The following AGPAT3 variants were observed in gnomAD, a reference collection of about 807,000 sequenced individuals.
AGPAT3 encodes 1-acyl-sn-glycerol-3-phosphate acyltransferase gamma.
Under a neutral mutation model 47.3 loss-of-function variants are expected in AGPAT3, and 5 were observed. The ratio of observed to expected loss-of-function variants is 0.11; its 90% confidence interval spans 0.06 to 0.22. The LOEUF is 0.22. AGPAT3 is among the 10% of genes least tolerant of loss of function. AGPAT3 has a pLI of 1.00. For synonymous variants in AGPAT3, 212 were observed against 208.3 expected (o/e 1.02, Z -0.15); for missense variants, 315 against 493.0 (o/e 0.64, Z 3.42).
rs1418080734 is a variant in AGPAT3, at chr21:43,922,881, G to A, written c.-49+18862G>A. Among the ~76,000 whole-genome samples, 3 of 152,212 alleles carry A rather than the reference G, an allele frequency of 2.0e-5. No individual in the cohort carries two copies. The highest frequency in any genetic ancestry group is 2.9e-5 in the Non-Finnish European group (2 of 68,030). ...ATGTGACTGGCTGCCCAGTGGTGGT[G>A]GCAGAGCCAGCCTGGGGTCTGGGCA... On this transcript the variant is annotated intron_variant, in intron 2 of 9. Transcript: ENST00000291572. This position sits in a 1 kb window ranked among gnomAD's most constrained non-coding sequence, Gnocchi z 4.9.
Position 43,882,359 on chromosome 21 carries a change from G to A in AGPAT3, c.-112+17014G>A, listed in dbSNP as rs144654455. The stretch of plus-strand genomic sequence containing the variant: ...TGCACTCAGGATTTCAGATTGACAC[G>A]TATTTCCATCTGGAAACTCTTGCAC... On this transcript the variant is annotated intron_variant, in intron 1 of 9. Transcript: ENST00000291572. Among the ~76,000 whole-genome samples the A allele has an allele frequency of 5.4e-4, 82 of 152,380 alleles. 1 individual carries two copies. The Middle Eastern group carries it at 0.024, about 44-fold the overall frequency.
intron 8 of AGPAT3, among the ~76,000 whole-genome samples, chr21:43,979,325 A>G (rs1462744984): frequency 2.1e-5 from 3 of 143,958 alleles, no homozygotes; most frequent in Non-Finnish European, 3.0e-5. Flanking sequence ...AAGAAAGAAA[A>G]AAAAAGAAAG....
intron 2 of AGPAT3, among the ~76,000 whole-genome samples, chr21:43,906,106 G>A (rs748110992): frequency 2.6e-5 from 4 of 152,200 alleles, no homozygotes; most frequent in Non-Finnish European, 5.9e-5. Context: ...AATAACTGAG[G>A]TCTAGGAAAA....
At position 43,930,430 on chromosome 21, in the gene AGPAT3, AC is replaced by A. The variant is rs2087203265; in HGVS notation, c.-49+26413del. Among the ~76,000 whole-genome samples, 1 of 152,030 alleles carries A rather than the reference AC, an allele frequency of 6.6e-6. No homozygotes were observed. Among genetic ancestry groups the A allele is most frequent in the Non-Finnish European group, 1.5e-5 (1 of 67,982 alleles). ...TGTAAAGCACCTGCCACTGAGTGTG[AC>A]CTCAGGGTTGCCCGTGCGACCTCAG... On this transcript the variant is annotated intron_variant, in intron 2 of 9. Coordinates refer to ENST00000291572, the MANE Select transcript of AGPAT3 (RefSeq NM_020132.5). This position sits in a 1 kb window ranked among gnomAD's most constrained non-coding sequence, Gnocchi z 5.0.
intron 6 of AGPAT3, 86 bp from the exon 7 acceptor site, chr21:43,971,302 G>A: frequency 6.6e-6 from 8 of 1,205,990 alleles, no homozygotes; most frequent in Non-Finnish European, 9.8e-6. Flanking sequence ...ACGGGGCCGG[G>A]TCCCAGGTGG....
intron 1 of AGPAT3, among the ~76,000 whole-genome samples, chr21:43,887,230 A>G (rs2085999129): frequency 6.6e-6 from 1 of 152,214 alleles, no homozygotes; most frequent in African/African-American, 2.4e-5. Flanking sequence ...GTTGAGCTGC[A>G]ATGGCCCCAA....
rs1347184220 is a variant in AGPAT3, at chr21:43,968,132, G to A, written c.348+17G>A. On this transcript the variant is annotated intron_variant, in intron 4 of 9. Transcript: ENST00000291572. The stretch of plus-strand genomic sequence containing the variant: ...GTGCTGGGGGTGAGCGGGGACCTGG[G>A]GAGGGCCACGGGTGAGCAGGAGGGT... 1 of 1,610,870 alleles carries A rather than the reference G, an allele frequency of 6.2e-7. No homozygotes were observed. Among genetic ancestry groups the A allele is most frequent in the Non-Finnish European group, 8.5e-7 (1 of 1,178,878 alleles).
rs762331844 is a variant in AGPAT3 at position 43,978,135 on chromosome 21, G to A, written c.843+14G>A. ...TACCAGGAGAAGGTAAGCAGGCTCT[G>A]CTCCCGCTCAGGGTCCCGGTCTCCT... On this transcript the variant is annotated intron_variant, in intron 8 of 9. Coordinates refer to ENST00000291572, the MANE Select transcript of AGPAT3 (RefSeq NM_020132.5). 1 of 1,611,214 alleles carries A rather than the reference G, an allele frequency of 6.2e-7. No individual in the cohort carries two copies. Among genetic ancestry groups the A allele is most frequent in the South Asian group, 1.1e-5 (1 of 90,716 alleles).
chr21:43,959,551 G>T (rs1024634535), intron 2 of AGPAT3, 83 bp from the exon 3 acceptor site: 5 of 1,256,500 alleles, frequency 4.0e-6, no homozygotes, highest in Non-Finnish European at 4.6e-6. Context: ...CATGTGCGGG[G>T]TGTGCAGTGA....
intron 1 of AGPAT3, among the ~76,000 whole-genome samples, chr21:43,886,048 G>T (rs1279674783): frequency 6.6e-6 from 1 of 152,234 alleles, no homozygotes; most frequent in Non-Finnish European, 1.5e-5. Context: ...GCCATAGGAA[G>T]CCGAAGCCTG....
intron 1 of AGPAT3, among the ~76,000 whole-genome samples, chr21:43,872,118 A>G (rs2085636178): frequency 6.7e-6 from 1 of 149,752 alleles, no homozygotes; most frequent in Non-Finnish European, 1.5e-5. Context: ...TCCACCTGAC[A>G]CTCTGTGCTT....
At chr21:43,929,073 C>G (rs4819348) in intron 2 of AGPAT3, among the ~76,000 whole-genome samples, 114,401 of 152,200 alleles carry the variant, frequency 0.75, 43,155 homozygotes, top group Admixed American at 0.83. Flanking sequence ...CGTTATTTCA[C>G]TGTGAGGTGC....
chr21:43,943,000 A>G (rs1241836477), intron 2 of AGPAT3, among the ~76,000 whole-genome samples: 1 of 152,190 alleles, frequency 6.6e-6, no homozygotes, highest in Non-Finnish European at 1.5e-5. Flanking sequence ...TCCACAGCAG[A>G]GGGAGGGAGG....
chr21:43,925,147 CT>C (rs201006481), intron 2 of AGPAT3: 2,251 of 152,534 alleles, frequency 0.015, 51 homozygotes, highest in African/African-American at 0.05. Context: ...ACTCTCTCCC[CT>C]CGCTGGCGCT....
chr21:43,966,652 A>AGCTGC (rs758185343), intron 3 of AGPAT3: 1 of 152,090 alleles, frequency 6.6e-6, no homozygotes, highest in Non-Finnish European at 1.5e-5. Context: ...TCCTGGGCTG[A>AGCTGC]GCTGCGTGAT....
intron 2 of AGPAT3, chr21:43,948,025 C>T (rs1347864686): frequency 2.0e-5 from 3 of 152,240 alleles, no homozygotes; most frequent in African/African-American, 7.2e-5. Flanking sequence ...GATCAAGCAT[C>T]TGTATTCTAT....
rs893257360 is a variant in AGPAT3 at position 43,933,875 on chromosome 21, G to A, written c.-48-25759G>A. ...GGAGAGTGGACAGTGGCATGGAAAC[G>A]CCAGAGGGTTAGAACTGAGCAGCAG... On this transcript the variant is annotated intron_variant, in intron 2 of 9. Transcript: ENST00000291572. This position sits in a 1 kb window ranked among gnomAD's most constrained non-coding sequence, Gnocchi z 6.0. Among the ~76,000 whole-genome samples, 1 of 152,300 alleles carries A rather than the reference G, an allele frequency of 6.6e-6. No homozygotes were observed. Among genetic ancestry groups the A allele is most frequent in the East Asian group, 1.9e-4 (1 of 5,182 alleles).
chr21:43,919,559 G>T (rs1460060357), intron 2 of AGPAT3, among the ~76,000 whole-genome samples: 3 of 152,164 alleles, frequency 2.0e-5, no homozygotes, highest in South Asian at 4.1e-4. Context: ...GATGCTTTAG[G>T]TTGGTTCTGT....
In AGPAT3 at chr21:43,908,446, G is replaced by C. The variant is rs1016908234; in HGVS notation, c.-49+4427G>C. ...ATGGGCTGGGAACTTGTGGAACCCG[G>C]TGTGTATGACTCGCTCCGTGATTCA... On this transcript the variant is annotated intron_variant, in intron 2 of 9. Transcript: ENST00000291572. This position sits in a 1 kb window ranked among gnomAD's most constrained non-coding sequence, Gnocchi z 4.9. Among the ~76,000 whole-genome samples, 47 of 152,204 alleles carry C rather than the reference G, an allele frequency of 3.1e-4. No individual in the cohort carries two copies. Among genetic ancestry groups the C allele is most frequent in the African/African-American group, 1.1e-3 (45 of 41,458 alleles).
Sources: allele counts gnomAD v4.1 joint callset (sites outside exome capture counted in the v4.1 genomes callset), GRCh38; gene constraint gnomAD v4.1.1; non-coding constraint Gnocchi (gnomAD v3.1); transcripts MANE v1.5; gene names NCBI Gene and HGNC (gene_info 2026-07-23, HGNC 2026-07-21).